Variants in DRICH1 observed in about 807,000 individuals in gnomAD.
The protein encoded by DRICH1 is aspartate-rich protein 1.
In DRICH1, 38 loss-of-function variants were observed where a neutral mutation model predicts 39.5. That is an observed-to-expected ratio of 0.96 (90% confidence interval 0.74 to 1.26). DRICH1 has a LOEUF of 1.26. Among genes scored for constraint, DRICH1 ranks in the 50% most tolerant of loss-of-function variants. The probability of loss-of-function intolerance (pLI) is 0.00; values close to 1 mark genes in which losing one functional copy is unlikely to be tolerated. For missense variants in DRICH1, 279 were observed against 270.4 expected, an observed-to-expected ratio of 1.03 and a Z score of -0.22; for synonymous variants, 84 against 99.5, an observed-to-expected ratio of 0.84 and a Z score of 0.93.
chr22:23,625,059 G>A (rs1027291189), intron 2 of DRICH1, among the ~76,000 whole-genome samples, 155 bp from the exon 3 acceptor site: 13 of 152,212 alleles, frequency 8.5e-5, no homozygotes, highest in Non-Finnish European at 1.6e-4. Flanking sequence ...TAGAGGACAT[G>A]AGTGAAAAGA....
chr22:23,626,194 A>G (rs1304981208), intron 1 of DRICH1, 146 bp from the exon 2 acceptor site: 6 of 620,378 alleles, frequency 9.7e-6, no homozygotes, highest in Non-Finnish European at 1.7e-5. Context: ...AGTAGTGAGC[A>G]TGAGGGAGTC....
At chr22:23,583,217 G>C in the DRICH1 span, 1 of 151,944 alleles carries the variant, frequency 6.6e-6, no homozygotes, top group Admixed American at 6.6e-5. Flanking sequence ...GGAAAGTGCT[G>C]TCCTGGAACA....
intron 4 of DRICH1, 115 bp from the exon 5 acceptor site, chr22:23,620,730 A>C: frequency 8.0e-7 from 1 of 1,249,076 alleles, no homozygotes; most frequent in Non-Finnish European, 1.2e-6. Flanking sequence ...ACTGTTGTTG[A>C]GTCAAGGTCA....
the DRICH1 span, among the ~76,000 whole-genome samples, chr22:23,587,255 G>A: frequency 6.6e-6 from 1 of 152,124 alleles, no homozygotes; most frequent in Non-Finnish European, 1.5e-5. Flanking sequence ...GCCATCCTGT[G>A]GGTCCCAGAC....
chr22:23,625,986 C>T lies in DRICH1; in HGVS notation c.271G>A (p.Ala91Thr), dbSNP rs1432771227. 25 of 1,610,122 alleles carry T rather than the reference C, an allele frequency of 1.6e-5. No individual in the cohort carries two copies. The highest frequency in any genetic ancestry group is 4.5e-5 in the East Asian group (2 of 44,598). The part of the protein sequence containing the change: ...LPSSEEDNDD[A>T]KILPSPVQGS... ...GCAAAGAAAGGGGGTCTTACCTTGGCATCATCATTGTCTTCCTCACTTGAT... is the reference window on the plus strand; with the variant it reads ...GCAAAGAAAGGGGGTCTTACCTTGGTATCATCATTGTCTTCCTCACTTGAT... Residue 91 changes from alanine to threonine, a missense_variant, in exon 2 of 12, where the codon GCC becomes ACC. Transcript: ENST00000317749.
chr22:23,592,241 AG>A, the DRICH1 span, among the ~76,000 whole-genome samples: 10 of 152,358 alleles, frequency 6.6e-5, no homozygotes, highest in African/African-American at 2.2e-4. Context: ...CTAGCAGGGT[AG>A]AAAGCACTCT....
chr22:23,631,994 G>A lies in DRICH1; in HGVS notation c.30C>T (p.Asn10=). ...TCCCCCTGGGCCAGCCACAGTGGGA[G>A]TTGATACAACAGGTCAGTATATTCC... MGNILTCCI[N]SHCGWPRGKD... The change falls in exon 1 of 12, where the codon AAC becomes AAT. Residue 10 remains asparagine (N), a synonymous_variant. Transcript: ENST00000317749. 1 of 1,613,560 alleles carries A rather than the reference G, an allele frequency of 6.2e-7. No homozygotes were observed. The highest frequency in any genetic ancestry group is 8.5e-7 in the Non-Finnish European group (1 of 1,180,030).
At chr22:23,589,897 T>C in the DRICH1 span, among the ~76,000 whole-genome samples, 1 of 152,196 alleles carries the variant, frequency 6.6e-6, no homozygotes, top group Non-Finnish European at 1.5e-5. Flanking sequence ...CCACAGGACA[T>C]GAAGGGACCC....
intron 3 of DRICH1, among the ~76,000 whole-genome samples, chr22:23,623,123 G>T (rs1342531858): frequency 6.6e-6 from 1 of 152,072 alleles, no homozygotes; most frequent in African/African-American, 2.4e-5. Context: ...TCACAAATTT[G>T]GCTGGGCATG....
At chr22:23,614,408 G>C (rs902388096) in intron 8 of DRICH1, among the ~76,000 whole-genome samples, 194 bp from the exon 9 acceptor site, 2 of 152,120 alleles carry the variant, frequency 1.3e-5, no homozygotes, top group East Asian at 3.9e-4. Flanking sequence ...TGGAGGCCTT[G>C]GCCTTGTACT....
At chr22:23,616,387 C>T (rs1470546408) in intron 8 of DRICH1, among the ~76,000 whole-genome samples, 1 of 152,176 alleles carries the variant, frequency 6.6e-6, no homozygotes. Flanking sequence ...ACCATGATGA[C>T]ATTAAACTCT....
chr22:23,609,638 G>A (rs1191936406), intron 11 of DRICH1, among the ~76,000 whole-genome samples: 1 of 152,054 alleles, frequency 6.6e-6, no homozygotes, highest in Non-Finnish European at 1.5e-5. Flanking sequence ...GGACTGTAGA[G>A]GGCCCAGAAC....
chr22:23,582,564 A>ATTAT, the DRICH1 span, among the ~76,000 whole-genome samples: 2 of 143,844 alleles, frequency 1.4e-5, no homozygotes, highest in East Asian at 2.0e-4. Flanking sequence ...GCTTATTATT[A>ATTAT]TTATTATTAT....
At chr22:23,624,074 G>A in intron 3 of DRICH1, 1 of 985,300 alleles carries the variant, frequency 1.0e-6, no homozygotes, top group Non-Finnish European at 1.2e-6. Context: ...TTTTCATTCT[G>A]TCCTCCACAC....
the DRICH1 span, among the ~76,000 whole-genome samples, chr22:23,600,636 C>A: frequency 6.6e-6 from 1 of 151,930 alleles, no homozygotes; most frequent in Non-Finnish European, 1.5e-5. Flanking sequence ...TCCCCACCCC[C>A]ACTAGCCTCC....
chr22:23,613,809 G>C, intron 9 of DRICH1, 149 bp from the exon 10 acceptor site: 1 of 628,990 alleles, frequency 1.6e-6, no homozygotes, highest in Non-Finnish European at 2.8e-6. Flanking sequence ...TAGCACAGAG[G>C]ATAGCTATAG....
chr22:23,609,428 C>A (rs1439131976), intron 11 of DRICH1, among the ~76,000 whole-genome samples: 1 of 152,152 alleles, frequency 6.6e-6, no homozygotes, highest in Non-Finnish European at 1.5e-5. Context: ...GTTTACAGCC[C>A]CTCAGAGGAG....
the DRICH1 span, among the ~76,000 whole-genome samples, chr22:23,593,974 T>G: frequency 1.3e-4 from 1 of 7,574 alleles, no homozygotes; most frequent in African/African-American, 5.5e-4. Context: ...CAAGACTCTG[T>G]CTCAAAAAAA....
intron 1 of DRICH1, among the ~76,000 whole-genome samples, chr22:23,630,111 T>A (rs1928303307): frequency 6.6e-6 from 1 of 152,218 alleles, no homozygotes; most frequent in African/African-American, 2.4e-5. Flanking sequence ...GAGCTTTCTA[T>A]GTGTATTTCA....
Sources: gnomAD v4.1 joint callset for allele counts (sites outside exome capture counted in the v4.1 genomes callset) on GRCh38, gnomAD v4.1.1 for gene constraint, MANE v1.5 for transcripts, NCBI Gene and HGNC (gene_info 2026-07-23, HGNC 2026-07-21) for gene names.